NR6A1: variants seen among roughly 807,000 people sequenced by gnomAD.
The protein encoded by NR6A1 is nuclear receptor subfamily 6 group A member 1.
A neutral mutation model predicts 59.1 loss-of-function variants in NR6A1; 7 were observed. The ratio of observed to expected loss-of-function variants is 0.12; its 90% CI spans 0.07 to 0.22. The LOEUF (loss-of-function observed/expected upper bound fraction) is 0.22, where lower values mean the gene tolerates loss of function less well. Ranked by LOEUF, NR6A1 falls within the 10% of genes least tolerant of loss-of-function variation. The pLI is 1.00. For synonymous variants in NR6A1, 243 were observed against 236.1 expected (o/e 1.03, Z -0.27); for missense variants, 468 against 611.6 (o/e 0.77, Z 2.48).
Position 124,520,511 on chromosome 9 carries a change from T to A in NR6A1, c.*2194A>T, listed in dbSNP as rs981201749. ...GTTGGAGAGACATGTTCTTGCCTCA[T>A]CAGAGAGCAATTTCTTTTGACACCC... On this transcript the variant is annotated 3_prime_UTR_variant, in exon 10 of 10. Transcript: ENST00000487099. The A allele has an allele frequency of 6.6e-6, 1 of 152,272 alleles. No homozygotes were observed. The highest frequency in any genetic ancestry group is 6.5e-5 in the Admixed American group (1 of 15,290). 9.4% of individuals were successfully genotyped at this position (152,272 alleles called of 1,614,324 possible).
intron 2 of NR6A1, among the ~76,000 whole-genome samples, chr9:124,701,638 TA>T (rs1233775686): frequency 6.6e-6 from 1 of 152,256 alleles, no homozygotes; most frequent in Non-Finnish European, 1.5e-5. Context: ...GGAATCATTA[TA>T]TTTTTTGTTA....
chr9:124,664,708 G>A (rs1837552867), intron 2 of NR6A1, among the ~76,000 whole-genome samples: 1 of 152,172 alleles, frequency 6.6e-6, no homozygotes, highest in African/African-American at 2.4e-5. Flanking sequence ...GGTTCTTACT[G>A]AATGCTAATC....
At chr9:124,697,890 T>C (rs1838819621) in intron 2 of NR6A1, among the ~76,000 whole-genome samples, 3 of 152,202 alleles carry the variant, frequency 2.0e-5, no homozygotes, top group Non-Finnish European at 4.4e-5. Flanking sequence ...AACAATAGTA[T>C]TTGCTTCACA....
chr9:124,690,987 GAAT>G (rs1188820194), intron 2 of NR6A1, among the ~76,000 whole-genome samples: 2 of 152,062 alleles, frequency 1.3e-5, no homozygotes, highest in East Asian at 1.9e-4. Flanking sequence ...TGAATTTAAG[GAAT>G]AATATTTTGT....
chr9:124,701,322 G>T (rs1023431970), intron 2 of NR6A1, among the ~76,000 whole-genome samples: 1 of 152,138 alleles, frequency 6.6e-6, no homozygotes, highest in East Asian at 1.9e-4. Context: ...TCTCCCTAAT[G>T]ACTAATTTAG....
At chr9:124,554,222 G>C in intron 3 of NR6A1, 106 bp downstream of exon 3, 1 of 1,537,870 alleles carries the variant, frequency 6.5e-7, no homozygotes, top group Non-Finnish European at 8.8e-7. Context: ...CAAACTATAA[G>C]GCCTGATATG....
intron 1 of NR6A1, among the ~76,000 whole-genome samples, chr9:124,766,806 T>G (rs1286549801): frequency 1.3e-5 from 2 of 152,250 alleles, no homozygotes; most frequent in African/African-American, 4.8e-5. Context: ...CCTGGCTTTA[T>G]GCAATTCTTA....
intron 2 of NR6A1, among the ~76,000 whole-genome samples, chr9:124,647,119 G>T (rs1460569267): frequency 1.3e-5 from 2 of 152,102 alleles, no homozygotes; most frequent in East Asian, 1.9e-4. Context: ...TCACTATGTT[G>T]TAGCCCAGAC....
chr9:124,614,332 G>A (rs1469428143), intron 2 of NR6A1, among the ~76,000 whole-genome samples: 1 of 152,086 alleles, frequency 6.6e-6, no homozygotes, highest in Non-Finnish European at 1.5e-5. Flanking sequence ...AACAATTCTG[G>A]GGCTCCATAG....
chr9:124,763,431 T>C (rs1167795019), intron 1 of NR6A1, among the ~76,000 whole-genome samples: 1 of 152,236 alleles, frequency 6.6e-6, no homozygotes, highest in Non-Finnish European at 1.5e-5. Flanking sequence ...GATTAAAATA[T>C]ATTTAAGAAC....
At chr9:124,535,798 G>A in intron 7 of NR6A1, 80 bp downstream of exon 7, 3 of 1,540,812 alleles carry the variant, frequency 1.9e-6, no homozygotes, top group Non-Finnish European at 2.7e-6. Context: ...CCTATCCTCT[G>A]AAGGGCCAGG....
intron 2 of NR6A1, among the ~76,000 whole-genome samples, chr9:124,603,771 G>C (rs1835509321): frequency 6.6e-6 from 1 of 152,022 alleles, no homozygotes. Context: ...ATAGGAAAGG[G>C]GGAAAAAAAA....
chr9:124,757,589 T>C (rs1840669831), intron 1 of NR6A1, among the ~76,000 whole-genome samples: 1 of 152,142 alleles, frequency 6.6e-6, no homozygotes. Flanking sequence ...GCATTAATTT[T>C]AAAAACACTG....
intron 1 of NR6A1, among the ~76,000 whole-genome samples, chr9:124,758,502 A>G (rs1474947107): frequency 6.6e-6 from 1 of 152,236 alleles, no homozygotes. Context: ...AGTTTGACTC[A>G]GCAAATGAAA....
At chr9:124,747,998 C>T (rs1840383025) in intron 1 of NR6A1, among the ~76,000 whole-genome samples, 1 of 152,174 alleles carries the variant, frequency 6.6e-6, no homozygotes, top group South Asian at 2.1e-4. Context: ...AATTGAAAAG[C>T]TACTTTTTGC....
chr9:124,705,546 T>A (rs577983274), intron 2 of NR6A1, among the ~76,000 whole-genome samples: 1 of 152,338 alleles, frequency 6.6e-6, no homozygotes, highest in African/African-American at 2.4e-5. Flanking sequence ...CCTATTTGTG[T>A]CTTTAAATCT....
intron 3 of NR6A1, among the ~76,000 whole-genome samples, chr9:124,548,546 A>G (rs1833674416): frequency 6.6e-6 from 1 of 152,242 alleles, no homozygotes; most frequent in Non-Finnish European, 1.5e-5. Flanking sequence ...TGTAAAAAAA[A>G]TGTTTGTAAG....
At chr9:124,588,109 A>G (rs1834988006) in intron 2 of NR6A1, among the ~76,000 whole-genome samples, 1 of 152,204 alleles carries the variant, frequency 6.6e-6, no homozygotes, top group South Asian at 2.1e-4. Context: ...TAACTAACTA[A>G]TAAATCGAGT....
chr9:124,767,785 T>C (rs776771772), intron 1 of NR6A1, among the ~76,000 whole-genome samples: 10 of 152,246 alleles, frequency 6.6e-5, no homozygotes, highest in Non-Finnish European at 1.5e-4. Flanking sequence ...CCCCATTTCC[T>C]CTAAAGTGTA....
Sources: gnomAD v4.1 joint callset for allele counts (sites outside exome capture counted in the v4.1 genomes callset) on GRCh38, gnomAD v4.1.1 for gene constraint, MANE v1.5 for transcripts, NCBI Gene and HGNC (gene_info 2026-07-23, HGNC 2026-07-21) for gene names.